The following SLC12A2 variants were observed in gnomAD, a reference collection of about 807,000 sequenced individuals.
SLC12A2 encodes solute carrier family 12 member 2.
In SLC12A2, 67 loss-of-function variants were observed where a neutral mutation model predicts 136.3. That is an observed-to-expected ratio of 0.49 (90% CI 0.40 to 0.60). The LOEUF (loss-of-function observed/expected upper bound fraction) is 0.60, where lower values mean the gene tolerates loss of function less well. Among genes scored for constraint, SLC12A2 ranks in the 20% least tolerant of loss-of-function variants. The pLI, the probability that SLC12A2 is intolerant of heterozygous loss-of-function variation, is 0.00. For missense variants in SLC12A2, 1,322 were observed against 1,534.7 expected (o/e 0.86, Z 2.32); for synonymous variants, 619 against 562.9 (o/e 1.10, Z -1.41).
At chr5:128,126,303 C>T (rs1183041356) in intron 4 of SLC12A2, among the ~76,000 whole-genome samples, 1 of 152,072 alleles carries the variant, frequency 6.6e-6, no homozygotes, top group Non-Finnish European at 1.5e-5. Flanking sequence ...ATACAAATGG[C>T]AAGCAGGCAT....
At chr5:128,157,093 C>T (rs1477505670) in intron 15 of SLC12A2, among the ~76,000 whole-genome samples, 1 of 152,042 alleles carries the variant, frequency 6.6e-6, no homozygotes, top group East Asian at 1.9e-4. Flanking sequence ...TTTGAAAAGT[C>T]GTTATTTAGG....
Position 128,139,491 on chromosome 5 carries a change from A to C in SLC12A2, c.1621+583A>C, listed in dbSNP as rs1762290694. On this transcript the variant is annotated intron_variant, in intron 9 of 26. Transcript: ENST00000262461. Reference sequence around the variant, plus strand: ...AACTTCATGGTTACTTCATGGGATCAACTTGAAAGGACTTAAGTGGTCAAC... The same window carrying C: ...AACTTCATGGTTACTTCATGGGATCCACTTGAAAGGACTTAAGTGGTCAAC... 2.0e-5 allele frequency among the ~76,000 whole-genome samples: 3 copies of C among 152,216 alleles called. No homozygotes were observed. In the South Asian group the frequency reaches 6.2e-4, roughly 31 times the overall value.
At chr5:128,099,871 CCTT>C (rs1760684660) in intron 1 of SLC12A2, among the ~76,000 whole-genome samples, 1 of 152,060 alleles carries the variant, frequency 6.6e-6, no homozygotes, top group African/African-American at 2.4e-5. Flanking sequence ...AGTATACATT[CCTT>C]CTTCTGGAAT....
At position 128,189,615 on chromosome 5, in the gene SLC12A2, G is replaced by A. The variant is rs1317254571; in HGVS notation, c.*2984G>A. ...TGCTTTTCTAATGTTTTAACCTTGA[G>A]TATTGCAGTTGCTGCTTTGTACAGA... On this transcript the variant is annotated 3_prime_UTR_variant, in exon 27 of 27. Transcript: ENST00000262461. 6.6e-6 allele frequency: 1 copy of A among 152,602 alleles called. No homozygotes were observed. The highest frequency in any genetic ancestry group is 6.5e-5 in the Admixed American group (1 of 15,278). The allele number at this position is 152,602 out of a possible 1,614,324, so 9.5% of individuals were successfully genotyped here.
At chr5:128,085,720 C>T (rs1308970527) in intron 1 of SLC12A2, among the ~76,000 whole-genome samples, 1 of 152,126 alleles carries the variant, frequency 6.6e-6, no homozygotes, top group East Asian at 1.9e-4. Context: ...ACAGTTTGGA[C>T]AAGTTTAAAT....
At chr5:128,168,729 G>T (rs1189962323) in intron 18 of SLC12A2, 2 of 152,154 alleles carry the variant, frequency 1.3e-5, no homozygotes, top group Non-Finnish European at 2.9e-5. Context: ...CACATGCGCA[G>T]TTCATAATAA....
intron 4 of SLC12A2, among the ~76,000 whole-genome samples, chr5:128,117,906 A>T (rs1761408735): frequency 6.6e-6 from 1 of 152,194 alleles, no homozygotes; most frequent in African/African-American, 2.4e-5. Context: ...TGGGCAAAGG[A>T]CATGAATAGA....
intron 4 of SLC12A2, among the ~76,000 whole-genome samples, chr5:128,130,177 T>A (rs1761962787): frequency 6.6e-6 from 1 of 152,070 alleles, no homozygotes; most frequent in African/African-American, 2.4e-5. Flanking sequence ...TTTGGGAGGC[T>A]GAAGTGGGCA....
At chr5:128,146,550 T>C (rs1762531041) in intron 10 of SLC12A2, among the ~76,000 whole-genome samples, 1 of 150,218 alleles carries the variant, frequency 6.7e-6, no homozygotes, top group Non-Finnish European at 1.5e-5. Context: ...TTTTTTTTTT[T>C]TTAAGTCTTC....
At chr5:128,101,307 T>C (rs1760732868) in intron 1 of SLC12A2, among the ~76,000 whole-genome samples, 1 of 152,156 alleles carries the variant, frequency 6.6e-6, no homozygotes, top group Non-Finnish European at 1.5e-5. Flanking sequence ...TTTGCATATG[T>C]ATGCACATAT....
At chr5:128,109,182 A>C (rs1761047720) in intron 1 of SLC12A2, among the ~76,000 whole-genome samples, 1 of 152,242 alleles carries the variant, frequency 6.6e-6, no homozygotes, top group Non-Finnish European at 1.5e-5. Context: ...AGTTAAAATA[A>C]TTTTCAAAAA....
chr5:128,184,289 C>A, intron 24 of SLC12A2, 77 bp from the exon 25 acceptor site: 1 of 977,736 alleles, frequency 1.0e-6, no homozygotes, highest in Non-Finnish European at 1.5e-6. Context: ...TTGCAAGTTA[C>A]AATTTAATAT....
intron 17 of SLC12A2, among the ~76,000 whole-genome samples, chr5:128,163,206 AGGAACTTTT>A (rs1175842328): frequency 1.3e-5 from 2 of 152,190 alleles, no homozygotes; most frequent in Non-Finnish European, 2.9e-5. Context: ...TGCATCTCAC[AGGAACTTTT>A]GCACGTGTGA....
chr5:128,139,267 TA>T (rs1298362849), intron 9 of SLC12A2, among the ~76,000 whole-genome samples: 78 of 150,722 alleles, frequency 5.2e-4, no homozygotes, highest in African/African-American at 1.6e-3. Flanking sequence ...TTAAGATGGT[TA>T]TTTATTTTTT....
chr5:128,095,763 C>T (rs974212691), intron 1 of SLC12A2, among the ~76,000 whole-genome samples: 1 of 151,792 alleles, frequency 6.6e-6, no homozygotes, highest in Non-Finnish European at 1.5e-5. Flanking sequence ...CCAGTATGGC[C>T]AAGGGAAGTC....
At chr5:128,157,046 C>T (rs1581120559) in intron 15 of SLC12A2, among the ~76,000 whole-genome samples, 1 of 152,136 alleles carries the variant, frequency 6.6e-6, no homozygotes, top group East Asian at 1.9e-4. Flanking sequence ...ATTGCTTTTC[C>T]AGCTCATTTG....
intron 18 of SLC12A2, chr5:128,170,576 T>A (rs1041305267): frequency 1.3e-5 from 2 of 152,218 alleles, no homozygotes; most frequent in Non-Finnish European, 2.9e-5. Flanking sequence ...CTACATTGAA[T>A]ACTTATTACT....
At chr5:128,163,641 T>C (rs1483464048) in intron 17 of SLC12A2, among the ~76,000 whole-genome samples, 1 of 152,214 alleles carries the variant, frequency 6.6e-6, no homozygotes, top group Non-Finnish European at 1.5e-5. Context: ...GGTAGAATTC[T>C]ATACAGTGGT....
At chr5:128,179,801 G>A (rs762421783) in intron 22 of SLC12A2, among the ~76,000 whole-genome samples, 1 of 151,940 alleles carries the variant, frequency 6.6e-6, no homozygotes, top group Non-Finnish European at 1.5e-5. Flanking sequence ...ACAGTTCACC[G>A]TGAGATTTGG....
Sources: allele counts gnomAD v4.1 joint callset (sites outside exome capture counted in the v4.1 genomes callset), GRCh38; gene constraint gnomAD v4.1.1; transcripts MANE v1.5; gene names NCBI Gene and HGNC (gene_info 2026-07-23, HGNC 2026-07-21).